NSUN3: variants seen among roughly 807,000 people sequenced by gnomAD.
NSUN3 encodes tRNA (cytosine(34)-C(5))-methyltransferase, mitochondrial.
In NSUN3, 24 loss-of-function variants were observed where a neutral mutation model predicts 36.8. That is an observed-to-expected ratio of 0.65 (90% confidence interval 0.47 to 0.92). The LOEUF (loss-of-function observed/expected upper bound fraction) is 0.92. NSUN3 is among the 40% of genes least tolerant of loss of function. The probability of loss-of-function intolerance (pLI) is 0.00; values close to 1 mark genes in which losing one functional copy is unlikely to be tolerated. For missense variants in NSUN3, 381 were observed against 392.8 expected (o/e 0.97, Z 0.25); for synonymous variants, 146 against 145.2 (o/e 1.01, Z -0.04).
intron 5 of NSUN3, 115 bp downstream of exon 5, chr3:94,095,269 C>T (rs1553851913): frequency 2.0e-6 from 2 of 995,398 alleles, no homozygotes; most frequent in Non-Finnish European, 1.5e-6. Flanking sequence ...AATGATTATT[C>T]CTCCAAAGGC....
intron 5 of NSUN3, among the ~76,000 whole-genome samples, chr3:94,120,181 G>T (rs926891985): frequency 6.6e-6 from 1 of 152,148 alleles, no homozygotes; most frequent in African/African-American, 2.4e-5. Context: ...TCATTTTCAT[G>T]GGAGGTTGGA....
Position 94,130,662 on chromosome 3 carries a change from TC to T in NSUN3, c.*4174del, listed in dbSNP as rs1576107404. 6.6e-6 allele frequency among the ~76,000 whole-genome samples: 1 copy of T among 152,194 alleles called. No individual in the cohort carries two copies. Among genetic ancestry groups the T allele is most frequent in the African/African-American group, 2.4e-5 (1 of 41,452 alleles). Reference sequence around the variant, plus strand: ...CCATCCCAGGGGAGAACGTGAATGTTCCAAGGGACTTCGGCCTCTGGGGCTT... The same window carrying T: ...CCATCCCAGGGGAGAACGTGAATGTTCAAGGGACTTCGGCCTCTGGGGCTT... On this transcript the variant is annotated 3_prime_UTR_variant, in exon 6 of 6. Transcript: ENST00000314622.
chr3:94,109,503 T>C (rs144699924), intron 5 of NSUN3, among the ~76,000 whole-genome samples: 1 of 152,316 alleles, frequency 6.6e-6, no homozygotes, highest in East Asian at 1.9e-4. Context: ...CTTCTGGTGG[T>C]AGGCTTTAAG....
Position 94,084,154 on chromosome 3 carries a change from AC to A in NSUN3, c.172del (p.Arg58AspfsTer14). 6.2e-7 allele frequency: 1 copy of A among 1,614,162 alleles called. No homozygotes were observed. The highest frequency in any genetic ancestry group is 8.5e-7 in the Non-Finnish European group (1 of 1,180,020). ...TGCTGGCAATATGCTGTCCTGCTTA[AC>A]CGATTCAATTATCCTTTTGAACTGG... ...PSCWQYAVLL[N>X]RFNYPFELEK... On this transcript the variant is annotated frameshift_variant, in exon 3 of 6. Coordinates refer to ENST00000314622, the MANE Select transcript of NSUN3 (RefSeq NM_022072.5). LOFTEE classifies it high-confidence loss of function.
intron 5 of NSUN3, 59 bp downstream of exon 5, chr3:94,095,213 A>G (rs2077332776): frequency 6.5e-7 from 1 of 1,547,870 alleles, no homozygotes; most frequent in South Asian, 1.1e-5. Context: ...CACAGGCATA[A>G]TAGAACATGT....
chr3:94,081,412 C>G (rs1280495728), intron 2 of NSUN3, among the ~76,000 whole-genome samples: 2 of 152,172 alleles, frequency 1.3e-5, no homozygotes, highest in Admixed American at 6.5e-5. Context: ...GCTCTCTCCC[C>G]CTAAAGTTTT....
intron 2 of NSUN3, among the ~76,000 whole-genome samples, chr3:94,075,395 A>T (rs2077241837): frequency 6.6e-6 from 1 of 152,174 alleles, no homozygotes; most frequent in South Asian, 2.1e-4. Flanking sequence ...AACCAAGAAG[A>T]AACTGGTCTA....
At chr3:94,095,767 G>A (rs1576091625) in intron 5 of NSUN3, among the ~76,000 whole-genome samples, 2 of 152,144 alleles carry the variant, frequency 1.3e-5, no homozygotes, top group East Asian at 3.9e-4. Context: ...TTGTTTTTGA[G>A]ACAGAGTCTC....
Position 94,130,648 on chromosome 3 carries a change from G to A in NSUN3, c.*4158G>A, listed in dbSNP as rs1315407123. On this transcript the variant is annotated 3_prime_UTR_variant, in exon 6 of 6. Transcript: ENST00000314622. ...TGGCCTCCTCATCCCCATCCCAGGGGAGAACGTGAATGTTCCAAGGGACTT... is the reference window on the plus strand; with the variant it reads ...TGGCCTCCTCATCCCCATCCCAGGGAAGAACGTGAATGTTCCAAGGGACTT... Among the ~76,000 whole-genome samples, 2 of 152,274 alleles carry A rather than the reference G, an allele frequency of 1.3e-5. No individual in the cohort carries two copies. The highest frequency in any genetic ancestry group is 1.9e-4 in the East Asian group (1 of 5,184).
At chr3:94,110,935 G>A (rs1281472729) in intron 5 of NSUN3, among the ~76,000 whole-genome samples, 1 of 152,048 alleles carries the variant, frequency 6.6e-6, no homozygotes, top group East Asian at 1.9e-4. Context: ...TGAAGATTGG[G>A]CCTGGATCCC....
intron 5 of NSUN3, among the ~76,000 whole-genome samples, chr3:94,114,778 A>G (rs772331507): frequency 6.6e-5 from 10 of 152,066 alleles, no homozygotes; most frequent in Non-Finnish European, 1.2e-4. Flanking sequence ...TCTCCCTTCT[A>G]GTAGTTCCCA....
chr3:94,094,949 G>T (rs1048941648), intron 4 of NSUN3, 84 bp from the exon 5 acceptor site: 1 of 1,376,188 alleles, frequency 7.3e-7, no homozygotes, highest in Non-Finnish European at 1.0e-6. Flanking sequence ...TGTTTACCAT[G>T]TTTTAGAGAA....
intron 5 of NSUN3, among the ~76,000 whole-genome samples, chr3:94,111,751 C>G (rs2077418729): frequency 1.3e-5 from 2 of 151,862 alleles, no homozygotes; most frequent in East Asian, 1.9e-4. Flanking sequence ...GAACTGTCAT[C>G]TATGATAACA....
chr3:94,082,598 T>C (rs2077274190), intron 2 of NSUN3, among the ~76,000 whole-genome samples: 1 of 152,166 alleles, frequency 6.6e-6, no homozygotes, highest in South Asian at 2.1e-4. Context: ...ATTCCTCACA[T>C]AGGCAACTCC....
chr3:94,070,210 A>G (rs2107235751), intron 2 of NSUN3, among the ~76,000 whole-genome samples: 1 of 152,286 alleles, frequency 6.6e-6, no homozygotes, highest in South Asian at 2.1e-4. Context: ...TGGGAGGCCA[A>G]GGCAGGAGAT....
At chr3:94,118,948 G>A (rs2077451246) in intron 5 of NSUN3, among the ~76,000 whole-genome samples, 2 of 152,086 alleles carry the variant, frequency 1.3e-5, no homozygotes, top group South Asian at 2.1e-4. Context: ...TTTGTTTTGA[G>A]TGAATCATTT....
intron 2 of NSUN3, chr3:94,075,784 A>G (rs1401133856): frequency 2.8e-6 from 2 of 705,760 alleles, no homozygotes; most frequent in Non-Finnish European, 4.1e-6. Flanking sequence ...TAATAGCATT[A>G]TTGGTGGTAC....
At chr3:94,102,331 G>T (rs1030158209) in intron 5 of NSUN3, among the ~76,000 whole-genome samples, 14 of 151,800 alleles carry the variant, frequency 9.2e-5, no homozygotes, top group African/African-American at 3.4e-4. Flanking sequence ...AAAAATTGAT[G>T]TGTTTATATT....
intron 5 of NSUN3, among the ~76,000 whole-genome samples, chr3:94,113,739 AT>A (rs2077428117): frequency 6.6e-6 from 1 of 152,154 alleles, no homozygotes; most frequent in South Asian, 2.1e-4. Flanking sequence ...GGAAAACAGT[AT>A]TTTTATCTAC....
Sources: allele counts gnomAD v4.1 joint callset (sites outside exome capture counted in the v4.1 genomes callset), GRCh38; gene constraint gnomAD v4.1.1; transcripts MANE v1.5; gene names NCBI Gene and HGNC (gene_info 2026-07-23, HGNC 2026-07-21).